Variants in SH3YL1 observed in about 807,000 individuals in gnomAD.
The protein encoded by SH3YL1 is SH3 and SYLF domain containing 1, also known as SH3 domain-containing YSC84-like protein 1.
A neutral mutation model predicts 45.8 loss-of-function variants in SH3YL1; 41 were observed. The observed-to-expected ratio is 0.89, with a 90% CI of 0.70 to 1.16. The LOEUF (loss-of-function observed/expected upper bound fraction) is 1.16, where lower values mean the gene tolerates loss of function less well. SH3YL1 is among the 50% of genes most tolerant of loss of function. The pLI is 0.00. For synonymous variants in SH3YL1, 152 were observed against 151.4 expected (o/e 1.00, Z -0.03); for missense variants, 389 against 409.6 (o/e 0.95, Z 0.43).
chr2:247,429 T>A, intron 4 of SH3YL1, 109 bp downstream of exon 4: 1 of 749,750 alleles, frequency 1.3e-6, no homozygotes, highest in Non-Finnish European at 2.1e-6. Context: ...TTTTCCTAAG[T>A]GCCAATGGTA....
intron 3 of SH3YL1, among the ~76,000 whole-genome samples, chr2:249,042 T>TA (rs936631980): frequency 2.0e-5 from 3 of 152,300 alleles, no homozygotes; most frequent in Non-Finnish European, 2.9e-5. Flanking sequence ...AAAATTATGC[T>TA]AAAAAACTGC....
intron 8 of SH3YL1, among the ~76,000 whole-genome samples, chr2:228,234 C>A (rs1377124713): frequency 6.6e-6 from 1 of 152,096 alleles, no homozygotes; most frequent in Admixed American, 6.5e-5. Context: ...TGTGGCTGTG[C>A]AAAATGGGGA....
At chr2:234,520 C>T (rs1036203323) in intron 4 of SH3YL1, among the ~76,000 whole-genome samples, 1 of 152,178 alleles carries the variant, frequency 6.6e-6, no homozygotes, top group Non-Finnish European at 1.5e-5. Flanking sequence ...TGAGGTTTAC[C>T]TGCATCATGT....
upstream of SH3YL1, chr2:264,817 G>T (rs1459675558): frequency 3.3e-6 from 3 of 912,546 alleles, no homozygotes; most frequent in Non-Finnish European, 4.8e-6. Context: ...CACTGGAGCC[G>T]ATTGCGCAGG....
intron 4 of SH3YL1, among the ~76,000 whole-genome samples, chr2:244,022 T>C (rs1668664862): frequency 6.6e-6 from 1 of 152,120 alleles, no homozygotes; most frequent in African/African-American, 2.4e-5. Flanking sequence ...GGGAACTCTG[T>C]CTTTCGAATA....
At chr2:241,013 C>A (rs900213353) in intron 4 of SH3YL1, 2 of 151,958 alleles carry the variant, frequency 1.3e-5, no homozygotes, top group African/African-American at 4.8e-5. Flanking sequence ...GAGAGTGTGA[C>A]CCATACATAG....
intron 1 of SH3YL1, among the ~76,000 whole-genome samples, chr2:257,308 C>T (rs911630430): frequency 5.3e-5 from 8 of 152,080 alleles, no homozygotes; most frequent in African/African-American, 1.2e-4. Flanking sequence ...TCTTTGCCAG[C>T]GATTATGTCC....
chr2:264,076 G>C, upstream of SH3YL1: 1 of 1,342,734 alleles, frequency 7.4e-7, no homozygotes, highest in Middle Eastern at 2.5e-4. Context: ...GCCCCAGCGA[G>C]GGCGTACCTG....
In SH3YL1 at chr2:224,934, G is replaced by C; in HGVS notation, c.782-14C>G. ...CATTTCTGTTACCTGCCAAAAAAGAGGAGAGTGGTGATTTTGAAAACTGAT... is the reference window on the plus strand; with the variant it reads ...CATTTCTGTTACCTGCCAAAAAAGACGAGAGTGGTGATTTTGAAAACTGAT... On this transcript the variant is annotated splice_polypyrimidine_tract_variant and intron_variant, in intron 8 of 9. Transcript: ENST00000356150. 6.2e-7 allele frequency: 1 copy of C among 1,605,880 alleles called. No individual in the cohort carries two copies. Among genetic ancestry groups the C allele is most frequent in the Non-Finnish European group, 8.5e-7 (1 of 1,172,614 alleles).
At chr2:226,648 G>C (rs1230830008) in intron 8 of SH3YL1, among the ~76,000 whole-genome samples, 1 of 152,040 alleles carries the variant, frequency 6.6e-6, no homozygotes, top group Non-Finnish European at 1.5e-5. Flanking sequence ...AATGCATACA[G>C]TGGGGAAGAT....
chr2:257,394 GA>G (rs1419340620), intron 1 of SH3YL1, among the ~76,000 whole-genome samples: 2 of 152,180 alleles, frequency 1.3e-5, no homozygotes, highest in Non-Finnish European at 2.9e-5. Flanking sequence ...GGCTAAATGT[GA>G]CCTGAGAAGA....
intron 6 of SH3YL1, among the ~76,000 whole-genome samples, chr2:232,070 C>T (rs193186902): frequency 3.9e-5 from 6 of 152,092 alleles, no homozygotes; most frequent in Non-Finnish European, 8.8e-5. Context: ...TCTGCAGGTT[C>T]TGGAAGAAGT....
intron 8 of SH3YL1, among the ~76,000 whole-genome samples, chr2:228,032 A>G (rs1432073371): frequency 6.6e-6 from 1 of 152,230 alleles, no homozygotes; most frequent in African/African-American, 2.4e-5. Flanking sequence ...ACTGAATTAA[A>G]AACTGATATT....
At chr2:259,108 T>C (rs1669480750) in intron 1 of SH3YL1, among the ~76,000 whole-genome samples, 1 of 152,354 alleles carries the variant, frequency 6.6e-6, no homozygotes, top group East Asian at 1.9e-4. Flanking sequence ...GTTCACCTCC[T>C]GTTCCCCTTA....
intron 4 of SH3YL1, among the ~76,000 whole-genome samples, chr2:242,361 G>A (rs879510243): frequency 1.3e-5 from 2 of 151,672 alleles, no homozygotes; most frequent in Non-Finnish European, 3.0e-5. Context: ...GATTTAATAT[G>A]TATAACAGTA....
At chr2:229,898 T>C in intron 8 of SH3YL1, 68 bp downstream of exon 8, 1 of 1,276,314 alleles carries the variant, frequency 7.8e-7, no homozygotes, top group Middle Eastern at 1.9e-4. Context: ...TGTATCTTGA[T>C]TTCTTAATGA....
chr2:250,499 T>C (rs188176827), intron 2 of SH3YL1, among the ~76,000 whole-genome samples: 13 of 152,354 alleles, frequency 8.5e-5, no homozygotes, highest in African/African-American at 3.1e-4. Flanking sequence ...GTTCATTACA[T>C]AAAATGAGGG....
intron 9 of SH3YL1, among the ~76,000 whole-genome samples, chr2:221,578 G>A (rs1346133546): frequency 6.6e-6 from 1 of 152,168 alleles, no homozygotes; most frequent in Non-Finnish European, 1.5e-5. Flanking sequence ...GAGCAACGTG[G>A]GTGGTTTTCA....
chr2:248,846 T>G (rs1411600004), intron 3 of SH3YL1, among the ~76,000 whole-genome samples: 1 of 152,228 alleles, frequency 6.6e-6, no homozygotes, highest in African/African-American at 2.4e-5. Context: ...CTTCTCATTT[T>G]CAAAGCCACA....
Sources: allele counts gnomAD v4.1 joint callset (sites outside exome capture counted in the v4.1 genomes callset), GRCh38; gene constraint gnomAD v4.1.1; transcripts MANE v1.5; gene names NCBI Gene and HGNC (gene_info 2026-07-23, HGNC 2026-07-21).